PDE10A: variants seen among roughly 807,000 people sequenced by gnomAD.
PDE10A encodes phosphodiesterase 10A.
PDE10A carries 39 observed loss-of-function variants against 97.7 expected under a neutral mutation model. The ratio of observed to expected loss-of-function variants is 0.40; its 90% confidence interval spans 0.31 to 0.52. PDE10A has a LOEUF of 0.52. PDE10A is among the 20% of genes least tolerant of loss of function. The probability of loss-of-function intolerance (pLI) is 0.56; values close to 1 mark genes in which losing one functional copy is unlikely to be tolerated. For synonymous variants in PDE10A, 371 were observed against 376.8 expected, an observed-to-expected ratio of 0.98 and a Z score of 0.18; for missense variants, 731 against 1,047.8, an observed-to-expected ratio of 0.70 and a Z score of 4.17.
intron 1 of PDE10A, among the ~76,000 whole-genome samples, chr6:165,621,346 A>C (rs1220024525): frequency 6.6e-6 from 1 of 152,120 alleles, no homozygotes; most frequent in African/African-American, 2.4e-5. Context: ...CATTGCCTAT[A>C]ATGCTTATGA....
At chr6:165,456,110 T>C (rs1777939558) in intron 3 of PDE10A, among the ~76,000 whole-genome samples, 3 of 152,220 alleles carry the variant, frequency 2.0e-5, no homozygotes, top group Admixed American at 2.0e-4. Flanking sequence ...TACTCTATCA[T>C]ACCCTCTCTC....
intron 1 of PDE10A, among the ~76,000 whole-genome samples, chr6:165,724,450 G>A (rs1792242885): frequency 6.6e-6 from 1 of 152,198 alleles, no homozygotes; most frequent in Non-Finnish European, 1.5e-5. Context: ...CATACAGGTG[G>A]ATAGCTGGAT....
chr6:165,934,977 G>T (rs1181481951), intron 1 of PDE10A, among the ~76,000 whole-genome samples: 1 of 152,186 alleles, frequency 6.6e-6, no homozygotes, highest in Middle Eastern at 3.4e-3. Flanking sequence ...AGCAAATTTG[G>T]GGCTCAAAAA....
intron 1 of PDE10A, among the ~76,000 whole-genome samples, chr6:165,551,756 C>G (rs573822171): frequency 2.6e-5 from 4 of 152,144 alleles, no homozygotes; most frequent in Non-Finnish European, 5.9e-5. Flanking sequence ...AAAATTTACA[C>G]GTTTTTACCT....
intron 1 of PDE10A, among the ~76,000 whole-genome samples, chr6:165,969,766 ACCT>A (rs1203559760): frequency 1.3e-5 from 2 of 152,154 alleles, no homozygotes; most frequent in African/African-American, 4.8e-5. Context: ...CACTGCCCAA[ACCT>A]GGGACAATTT....
At chr6:165,422,739 G>A (rs369511972) in intron 10 of PDE10A, among the ~76,000 whole-genome samples, 52 of 152,208 alleles carry the variant, frequency 3.4e-4, no homozygotes, top group African/African-American at 1.2e-3. Context: ...TAAATTCAAG[G>A]ACACATGGGA....
intron 3 of PDE10A, among the ~76,000 whole-genome samples, chr6:165,464,236 T>G (rs149595106): frequency 6.6e-6 from 1 of 152,136 alleles, no homozygotes; most frequent in Non-Finnish European, 1.5e-5. Context: ...AAGCTGATAA[T>G]TGTCATTCTG....
At chr6:165,392,212 A>G (rs1785774875) in intron 16 of PDE10A, among the ~76,000 whole-genome samples, 1 of 152,220 alleles carries the variant, frequency 6.6e-6, no homozygotes, top group South Asian at 2.1e-4. Context: ...AATTAATTAA[A>G]CATTTCAGAT....
At chr6:165,338,913 A>C (rs903896900) in intron 20 of PDE10A, among the ~76,000 whole-genome samples, 2 of 152,204 alleles carry the variant, frequency 1.3e-5, no homozygotes, top group Non-Finnish European at 2.9e-5. Flanking sequence ...CCAGTCCACA[A>C]GGCAGCCAGA....
chr6:165,523,146 T>G (rs1782230736), intron 2 of PDE10A, among the ~76,000 whole-genome samples: 1 of 152,136 alleles, frequency 6.6e-6, no homozygotes, highest in African/African-American at 2.4e-5. Context: ...CTGAAAATTC[T>G]ATGCTTATGA....
chr6:165,502,961 CTATA>C (rs1478226825), intron 2 of PDE10A, among the ~76,000 whole-genome samples: 1 of 152,096 alleles, frequency 6.6e-6, no homozygotes, highest in Non-Finnish European at 1.5e-5. Context: ...ACTCATTAAA[CTATA>C]TAGTTAAACT....
chr6:165,727,531 C>T (rs1451518975), intron 1 of PDE10A, among the ~76,000 whole-genome samples: 1 of 152,158 alleles, frequency 6.6e-6, no homozygotes, highest in African/African-American at 2.4e-5. Flanking sequence ...AATCTACCCC[C>T]AAATGACATA....
At chr6:165,345,012 G>A (rs990791105) in intron 18 of PDE10A, among the ~76,000 whole-genome samples, 15 of 152,012 alleles carry the variant, frequency 9.9e-5, no homozygotes, top group Non-Finnish European at 1.6e-4. Flanking sequence ...AACTTCTAAC[G>A]TAATGAATAT....
At position 165,332,373 on chromosome 6, in the gene PDE10A, A is replaced by G. The variant is rs1781388099; in HGVS notation, c.*652T>C. 6.6e-6 allele frequency: 1 copy of G among 152,240 alleles called. No homozygotes were observed. Among genetic ancestry groups the G allele is most frequent in the Non-Finnish European group, 1.5e-5 (1 of 68,032 alleles). The allele number at this position is 152,240 out of a possible 1,614,324, so 9.4% of individuals were successfully genotyped here. On this transcript the variant is annotated 3_prime_UTR_variant, in exon 22 of 22. Transcript: ENST00000539869. Reference sequence around the variant, plus strand: ...GTCTACTTCGTCTAGTGTTAAATTTATTGATCTCAGCCCTTTAGGTTGAAC... The same window carrying G: ...GTCTACTTCGTCTAGTGTTAAATTTGTTGATCTCAGCCCTTTAGGTTGAAC...
At chr6:165,499,165 G>A (rs1473208045) in intron 2 of PDE10A, among the ~76,000 whole-genome samples, 1 of 152,170 alleles carries the variant, frequency 6.6e-6, no homozygotes, top group African/African-American at 2.4e-5. Context: ...AAGCCAGGGG[G>A]AAGAGTCTGA....
chr6:165,621,573 T>C (rs1452141098), intron 1 of PDE10A, among the ~76,000 whole-genome samples: 2 of 152,008 alleles, frequency 1.3e-5, no homozygotes, highest in African/African-American at 4.8e-5. Context: ...CTGGCCAATA[T>C]GGTGAAACCC....
At chr6:165,800,544 C>T (rs57690076) in intron 1 of PDE10A, among the ~76,000 whole-genome samples, 24 of 152,010 alleles carry the variant, frequency 1.6e-4, no homozygotes, top group Non-Finnish European at 3.5e-4. Context: ...GAGGCTGAGC[C>T]TTTCCAGAAT....
At chr6:165,472,510 T>A (rs1273413036) in intron 3 of PDE10A, among the ~76,000 whole-genome samples, 1 of 152,158 alleles carries the variant, frequency 6.6e-6, no homozygotes, top group East Asian at 1.9e-4. Flanking sequence ...CCTGTGCTTT[T>A]TAAATTTGTT....
chr6:165,566,625 G>A (rs1434055636), intron 1 of PDE10A, among the ~76,000 whole-genome samples: 2 of 152,272 alleles, frequency 1.3e-5, no homozygotes, highest in Non-Finnish European at 2.9e-5. Flanking sequence ...AGAAGATTCT[G>A]GAGATAAAGG....
Sources: gnomAD v4.1 joint callset for allele counts (sites outside exome capture counted in the v4.1 genomes callset) on GRCh38, gnomAD v4.1.1 for gene constraint, MANE v1.5 for transcripts, NCBI Gene and HGNC (gene_info 2026-07-23, HGNC 2026-07-21) for gene names.